KCNT2: variants seen among roughly 807,000 people sequenced by gnomAD.
KCNT2 encodes the protein potassium channel subfamily T member 2.
KCNT2 carries 67 observed loss-of-function variants against 153.8 expected under a neutral mutation model. The ratio of observed to expected loss-of-function variants is 0.44; its 90% CI spans 0.36 to 0.53. The LOEUF is 0.53. Among genes scored for constraint, KCNT2 ranks in the 20% least tolerant of loss-of-function variants. KCNT2 has a pLI of 0.00. For synonymous variants in KCNT2, 500 were observed against 458.8 expected, an observed-to-expected ratio of 1.09 and a Z score of -1.15; for missense variants, 975 against 1,354.8, an observed-to-expected ratio of 0.72 and a Z score of 4.40.
At chr1:196,284,466 T>C (rs964289445) in intron 23 of KCNT2, among the ~76,000 whole-genome samples, 2 of 151,126 alleles carry the variant, frequency 1.3e-5, no homozygotes, top group Admixed American at 6.6e-5. Context: ...TACAAGATTT[T>C]ATTTAAACAG....
At chr1:196,296,932 G>A (rs1660724016) in intron 22 of KCNT2, among the ~76,000 whole-genome samples, 1 of 151,798 alleles carries the variant, frequency 6.6e-6, no homozygotes. Flanking sequence ...GAAATAATAA[G>A]CAAGAAAAAA....
chr1:196,407,608 C>A (rs975210585), intron 12 of KCNT2, among the ~76,000 whole-genome samples: 2 of 151,248 alleles, frequency 1.3e-5, no homozygotes, highest in Non-Finnish European at 3.0e-5. Flanking sequence ...TGAAGTGGAT[C>A]TTCTTAAAAC....
rs145748171 is a variant in KCNT2 at position 196,543,180 on chromosome 1, T to G, written c.96-50839A>C. Among the ~76,000 whole-genome samples, 83 of 152,304 alleles carry G rather than the reference T, an allele frequency of 5.4e-4. 1 individual carries two copies. In the East Asian group the frequency reaches 0.015, roughly 27 times the overall value. ...ATTTACTAGAGTTAAGCTTTATGCA[T>G]GAGAAATTTTGCTCATGATTTAATT... On this transcript the variant is annotated intron_variant, in intron 1 of 27. Coordinates refer to ENST00000294725, the MANE Select transcript of KCNT2 (RefSeq NM_198503.5).
chr1:196,399,036 C>T (rs1671189104), intron 12 of KCNT2, among the ~76,000 whole-genome samples: 1 of 151,146 alleles, frequency 6.6e-6, no homozygotes, highest in South Asian at 2.1e-4. Flanking sequence ...ATAATAATAA[C>T]ATGCTTAGAA....
At chr1:196,331,434 C>G (rs933393768) in intron 17 of KCNT2, among the ~76,000 whole-genome samples, 173 bp from the exon 18 acceptor site, 20 of 152,118 alleles carry the variant, frequency 1.3e-4, no homozygotes, top group Middle Eastern at 3.4e-3. Flanking sequence ...GCCCCAGGAT[C>G]AAATATGGCC....
At chr1:196,280,667 T>C (rs759572319) in intron 25 of KCNT2, among the ~76,000 whole-genome samples, 193 bp downstream of exon 25, 3 of 152,160 alleles carry the variant, frequency 2.0e-5, no homozygotes, top group Non-Finnish European at 4.4e-5. Context: ...CAACAATATT[T>C]TTTGGAAGAC....
intron 13 of KCNT2, among the ~76,000 whole-genome samples, chr1:196,376,988 T>C (rs551943727): frequency 6.6e-6 from 1 of 151,838 alleles, no homozygotes; most frequent in Non-Finnish European, 1.5e-5. Context: ...CAATGAATTG[T>C]AGGTCTTGTA....
At position 196,500,894 on chromosome 1, in the gene KCNT2, A is replaced by G. The variant is rs112251040; in HGVS notation, c.96-8553T>C. Among the ~76,000 whole-genome samples, 1,206 of 152,324 alleles carry G rather than the reference A, an allele frequency of 7.9e-3. 15 individuals are homozygous for G. Among genetic ancestry groups the G allele is most frequent in the African/African-American group, 0.026 (1,073 of 41,568 alleles). ...CTTAAAAAGTGTGCAAAGGATATGA[A>G]CAGACATTTTTCAAAAGAAGGCATA... On this transcript the variant is annotated intron_variant, in intron 1 of 27. Coordinates refer to ENST00000294725, the MANE Select transcript of KCNT2 (RefSeq NM_198503.5).
intron 1 of KCNT2, among the ~76,000 whole-genome samples, chr1:196,541,592 G>T (rs1319756109): frequency 6.6e-6 from 1 of 152,020 alleles, no homozygotes; most frequent in Non-Finnish European, 1.5e-5. Context: ...TTTAATAAGA[G>T]ACCTTATGGC....
intron 12 of KCNT2, among the ~76,000 whole-genome samples, chr1:196,408,185 A>G (rs983597375): frequency 6.6e-6 from 1 of 151,554 alleles, no homozygotes; most frequent in Non-Finnish European, 1.5e-5. Flanking sequence ...ACATGGGGCC[A>G]CAAACATACC....
At chr1:196,517,219 G>A (rs1424966907) in intron 1 of KCNT2, among the ~76,000 whole-genome samples, 3 of 152,104 alleles carry the variant, frequency 2.0e-5, no homozygotes, top group Non-Finnish European at 2.9e-5. Context: ...TACTGGGCAG[G>A]GTCACCTGAC....
chr1:196,447,328 G>C (rs1184769986), intron 8 of KCNT2, among the ~76,000 whole-genome samples: 1 of 151,586 alleles, frequency 6.6e-6, no homozygotes, highest in African/African-American at 2.4e-5. Context: ...TTAAGTATTT[G>C]ACATATAAGC....
chr1:196,526,136 G>A (rs1428338676), intron 1 of KCNT2, among the ~76,000 whole-genome samples: 1 of 151,444 alleles, frequency 6.6e-6, no homozygotes, highest in Non-Finnish European at 1.5e-5. Flanking sequence ...GAACAGACAA[G>A]AATGCATTGG....
At chr1:196,450,664 C>T (rs1441418012) in intron 8 of KCNT2, among the ~76,000 whole-genome samples, 1 of 151,810 alleles carries the variant, frequency 6.6e-6, no homozygotes, top group Non-Finnish European at 1.5e-5. Flanking sequence ...TGCCTACTTC[C>T]TTGCTACCAT....
At chr1:196,382,812 G>GA (rs764468921) in intron 13 of KCNT2, among the ~76,000 whole-genome samples, 4 of 151,418 alleles carry the variant, frequency 2.6e-5, no homozygotes, top group Non-Finnish European at 4.4e-5. Context: ...TTGATTAAAA[G>GA]AAAAAAACAA....
chr1:196,441,028 G>T (rs1282445945), intron 8 of KCNT2, among the ~76,000 whole-genome samples: 1 of 151,734 alleles, frequency 6.6e-6, no homozygotes, highest in Non-Finnish European at 1.5e-5. Flanking sequence ...GGAGAAGACA[G>T]ATTTCTTTCC....
intron 1 of KCNT2, among the ~76,000 whole-genome samples, chr1:196,589,168 G>A (rs1302157298): frequency 6.6e-6 from 1 of 151,814 alleles, no homozygotes; most frequent in Non-Finnish European, 1.5e-5. Context: ...GTAACAATAT[G>A]TTAAGTGAAA....
intron 22 of KCNT2, among the ~76,000 whole-genome samples, chr1:196,287,688 A>G (rs1349189520): frequency 6.6e-6 from 1 of 152,082 alleles, no homozygotes; most frequent in Non-Finnish European, 1.5e-5. Flanking sequence ...TCATTTGTGC[A>G]TTAAAGTAGT....
chr1:196,484,075 A>G (rs1679223189), intron 3 of KCNT2, among the ~76,000 whole-genome samples: 1 of 152,160 alleles, frequency 6.6e-6, no homozygotes, highest in Admixed American at 6.6e-5. Context: ...TGTGCCACAA[A>G]AGTTACTATA....
Sources: allele counts gnomAD v4.1 joint callset (sites outside exome capture counted in the v4.1 genomes callset), GRCh38; gene constraint gnomAD v4.1.1; transcripts MANE v1.5; gene names NCBI Gene and HGNC (gene_info 2026-07-23, HGNC 2026-07-21).